The following PMEL variants were observed in gnomAD, a reference collection of about 807,000 sequenced individuals.
PMEL encodes melanocyte protein PMEL.
A neutral mutation model predicts 64.9 loss-of-function variants in PMEL; 53 were observed. The observed-to-expected ratio is 0.82, with a 90% CI of 0.66 to 1.03. The LOEUF (loss-of-function observed/expected upper bound fraction) is 1.03, where lower values mean the gene tolerates loss of function less well. Among genes scored for constraint, PMEL ranks in the 50% least tolerant of loss-of-function variants. The pLI, the probability that PMEL is intolerant of heterozygous loss-of-function variation, is 0.00. For missense variants in PMEL, 716 were observed against 814.9 expected, an observed-to-expected ratio of 0.88 and a Z score of 1.48; for synonymous variants, 299 against 316.2, an observed-to-expected ratio of 0.95 and a Z score of 0.58.
In PMEL at chr12:55,955,650, T is replaced by A. The variant is rs748810557; in HGVS notation, c.1576A>T (p.Met526Leu). The change falls in exon 9 of 11, where the codon ATG (methionine) becomes TTG (leucine). Residue 526 changes from methionine (M) to leucine (L), a missense_variant. Coordinates refer to ENST00000548747, the MANE Select transcript of PMEL (RefSeq NM_001384361.1). ...TGGCACCCTGGCGATGAGATCTCCA[T>A]GCAGGCTTCCTTGGGCAGCCTGGAA... is the stretch of plus-strand genomic sequence containing the variant. ...CQGGLPKEAC[M>L]EISSPGCQPP... 2.5e-6 allele frequency: 4 copies of A among 1,613,040 alleles called. No homozygotes were observed. The South Asian group carries it at 4.4e-5, about 18-fold the overall frequency.
At chr12:55,966,299 C>A (rs540291765), upstream of PMEL, 193 of 472,074 alleles carry the variant, frequency 4.1e-4, 1 homozygote, top group Non-Finnish European at 6.3e-4. Context: ...ATACCAGACA[C>A]AACAGTTTAT....
Position 55,956,176 on chromosome 12 carries a change from C to G in PMEL, c.1398G>C (p.Leu466=). The change falls in exon 7 of 11, where the codon CTG becomes CTC. Residue 466 remains leucine, a synonymous_variant. Coordinates refer to ENST00000548747, the MANE Select transcript of PMEL (RefSeq NM_001384361.1). The part of the protein sequence containing the change: ...PLLDGTATLR[L]VKRQVPLDCV... ...AATCCAGGGGGACTTGTCTCTTCAC[C>G]AGCCTTAAGGTGGCTGTACCATCCA... The G allele has an allele frequency of 1.2e-6, 2 of 1,614,072 alleles. No individual in the cohort carries two copies. The highest frequency in any genetic ancestry group is 1.7e-6 in the Non-Finnish European group (2 of 1,179,928).
intron 1 of PMEL, among the ~76,000 whole-genome samples, chr12:55,962,480 A>G (rs1423037390): frequency 8.0e-6 from 1 of 125,166 alleles, no homozygotes; most frequent in African/African-American, 3.1e-5. Context: ...AACACAAAAA[A>G]CCCCTTATTT....
At chr12:55,960,509 CTG>C (rs1481810951) in intron 3 of PMEL, among the ~76,000 whole-genome samples, 1 of 147,148 alleles carries the variant, frequency 6.8e-6, no homozygotes, top group East Asian at 2.0e-4. Context: ...GGGACTACAA[CTG>C]TAATTTTCTT....
intron 10 of PMEL, among the ~76,000 whole-genome samples, chr12:55,954,860 T>C (rs1395983841): frequency 6.6e-6 from 1 of 151,860 alleles, no homozygotes; most frequent in Non-Finnish European, 1.5e-5. Flanking sequence ...GCTGAGATTA[T>C]GCCACTATAC....
At chr12:55,962,448 C>CAAAAAAAAAA (rs1197796228) in intron 1 of PMEL, among the ~76,000 whole-genome samples, 51 of 37,248 alleles carry the variant, frequency 1.4e-3, no homozygotes, top group East Asian at 5.0e-3. Context: ...GACTCCATCT[C>CAAAAAAAAAA]AAAAAAAAAA....
Position 55,957,403 on chromosome 12 carries a change from G to A in PMEL, c.900C>T (p.Ser300=). 1.2e-6 allele frequency: 2 copies of A among 1,604,062 alleles called. No homozygotes were observed. The highest frequency in any genetic ancestry group is 1.7e-6 in the Non-Finnish European group (2 of 1,173,890). ...TGCCTGGAACTGGGGAGGAGCCACA[G>A]GAGGTGAGAGGAATGGCAGCCTGCA... The part of the protein sequence containing the change: ...VVLQAAIPLT[S]CGSSPVPGTT... The change falls in exon 6 of 11, where the codon TCC becomes TCT. Residue 300 remains serine (S), a synonymous_variant. Coordinates refer to ENST00000548747, the MANE Select transcript of PMEL (RefSeq NM_001384361.1).
chr12:55,961,882 G>A (rs551931540), intron 1 of PMEL, 150 bp from the exon 2 acceptor site: 6 of 588,902 alleles, frequency 1.0e-5, no homozygotes, highest in South Asian at 6.1e-5. Flanking sequence ...TGTTGCCCAG[G>A]CTGGAGTGCA....
At chr12:55,963,435 T>C (rs1446395209) in intron 1 of PMEL, among the ~76,000 whole-genome samples, 1 of 152,230 alleles carries the variant, frequency 6.6e-6, no homozygotes, top group Non-Finnish European at 1.5e-5. Context: ...GGCTAAAGTA[T>C]GTAAAAGCAA....
Position 55,956,478 on chromosome 12 carries a change from A to T in PMEL, c.1355-259T>A, listed in dbSNP as rs907408860. 3 of 436,402 alleles carry T rather than the reference A, an allele frequency of 6.9e-6. No individual in the cohort carries two copies. The Admixed American group carries it at 1.1e-4, about 17-fold the overall frequency. The allele number at this position is 436,402 out of a possible 1,614,324, so 27.0% of individuals were successfully genotyped here. ...TCCTCAAATGTTTATCACACCCCACACTATGTCAGGTCCTAGGCTAGACAT... is the reference window on the plus strand; with the variant it reads ...TCCTCAAATGTTTATCACACCCCACTCTATGTCAGGTCCTAGGCTAGACAT... On this transcript the variant is annotated intron_variant, in intron 6 of 10. Transcript: ENST00000548747.
chr12:55,966,130 G>T, upstream of PMEL: 1 of 1,521,268 alleles, frequency 6.6e-7, no homozygotes, highest in South Asian at 1.2e-5. Context: ...CCTGGGAGGG[G>T]CCGGAGGAGA....
rs370501364 is a variant in PMEL at position 55,957,337 on chromosome 12, G to A, written c.966C>T (p.Thr322=). 1.9e-6 allele frequency: 3 copies of A among 1,598,628 alleles called. No individual in the cohort carries two copies. The African/African-American group carries it at 4.0e-5, about 21-fold the overall frequency. ...CTGTAGTAGGCACTTGGCCAGCTGT[G>A]GTGTTAGGGGCCTCTGCAGTTGGCC... is the stretch of plus-strand genomic sequence containing the variant. ...GHRPTAEAPN[T]TAGQVPTTEV... is the part of the protein sequence containing the mutation. Residue 322 remains threonine (T), a synonymous_variant, in exon 6 of 11, where the codon ACC becomes ACT. Transcript: ENST00000548747.
chr12:55,960,436 C>T (rs1012082458), intron 3 of PMEL, among the ~76,000 whole-genome samples: 2 of 151,198 alleles, frequency 1.3e-5, no homozygotes, highest in Non-Finnish European at 2.9e-5. Flanking sequence ...AGTACAGTGG[C>T]GTGATCATGC....
At chr12:55,966,687 G>T (rs752823508), upstream of PMEL, 12 of 1,095,324 alleles carry the variant, frequency 1.1e-5, no homozygotes, top group African/African-American at 6.6e-5. Context: ...CCTGGGGCGG[G>T]ATCATTTGCG....
At chr12:55,965,218 C>T (rs1039853831) in intron 1 of PMEL, among the ~76,000 whole-genome samples, 6 of 152,122 alleles carry the variant, frequency 3.9e-5, no homozygotes, top group African/African-American at 7.2e-5. Context: ...TGAGCCACGG[C>T]GCCCGGCCTC....
intron 7 of PMEL, 22 bp from the exon 8 acceptor site, chr12:55,955,885 A>G: frequency 6.2e-7 from 1 of 1,606,636 alleles, no homozygotes; most frequent in Non-Finnish European, 8.5e-7. Flanking sequence ...CAAGCTTATC[A>G]AATTAGGATT....
At chr12:55,963,935 C>T (rs1379467208) in intron 1 of PMEL, among the ~76,000 whole-genome samples, 1 of 151,890 alleles carries the variant, frequency 6.6e-6, no homozygotes. Context: ...AAAAACTACC[C>T]TCACCCCATT....
intron 1 of PMEL, among the ~76,000 whole-genome samples, chr12:55,965,535 C>G (rs535131140): frequency 3.9e-5 from 6 of 152,140 alleles, no homozygotes; most frequent in African/African-American, 1.4e-4. Flanking sequence ...CGTACCCATC[C>G]CAAGAGGAGA....
chr12:55,956,271 G>A, intron 6 of PMEL, 52 bp from the exon 7 acceptor site: 1 of 1,152,934 alleles, frequency 8.7e-7, no homozygotes. Context: ...GACTCATCTG[G>A]AGGCAGAGGC....
Sources: gnomAD v4.1 joint callset for allele counts (sites outside exome capture counted in the v4.1 genomes callset) on GRCh38, gnomAD v4.1.1 for gene constraint, MANE v1.5 for transcripts, NCBI Gene and HGNC (gene_info 2026-07-23, HGNC 2026-07-21) for gene names.